CNGB1: variants seen among roughly 807,000 people sequenced by gnomAD.
The protein encoded by CNGB1 is cyclic nucleotide-gated channel beta-1.
Under a neutral mutation model 151.7 loss-of-function variants are expected in CNGB1, and 126 were observed. The observed-to-expected ratio is 0.83, with a 90% CI of 0.72 to 0.96. The LOEUF is 0.96. CNGB1 is among the 40% of genes least tolerant of loss of function. The probability of loss-of-function intolerance (pLI) is 0.00; values close to 1 mark genes in which losing one functional copy is unlikely to be tolerated. For missense variants in CNGB1, 1,698 were observed against 1,627.0 expected (o/e 1.04, Z -0.75); for synonymous variants, 623 against 635.1 (o/e 0.98, Z 0.29).
At chr16:57,931,229 G>C (rs954739071) in intron 17 of CNGB1, among the ~76,000 whole-genome samples, 3 of 151,590 alleles carry the variant, frequency 2.0e-5, no homozygotes, top group Non-Finnish European at 4.4e-5. Context: ...CACAATCTCA[G>C]TTCACTGCCA....
At chr16:57,917,645 C>T (rs929475843) in intron 20 of CNGB1, among the ~76,000 whole-genome samples, 169 bp from the exon 21 acceptor site, 3 of 149,964 alleles carry the variant, frequency 2.0e-5, no homozygotes, top group Non-Finnish European at 3.0e-5. Context: ...CACACACACA[C>T]ACACATACAC....
At chr16:57,940,902 C>A (rs1351855993) in intron 14 of CNGB1, among the ~76,000 whole-genome samples, 1 of 152,042 alleles carries the variant, frequency 6.6e-6, no homozygotes, top group Non-Finnish European at 1.5e-5. Flanking sequence ...CGGGCCCAAG[C>A]AGCAGGCATA....
intron 4 of CNGB1, chr16:57,963,843 A>T: frequency 2.0e-6 from 1 of 504,480 alleles, no homozygotes. Flanking sequence ...TTAACAGTCT[A>T]ATGAATGAAT....
At chr16:57,898,009 A>G (rs1960282544) in intron 29 of CNGB1, 95 bp from the exon 30 acceptor site, 1 of 1,289,312 alleles carries the variant, frequency 7.8e-7, no homozygotes, top group Admixed American at 1.7e-5. Context: ...TCCGGCAAGG[A>G]GGAACCTAGG....
chr16:57,882,406 G>A lies in CNGB1; in HGVS notation c.*1758C>T, dbSNP rs886492810. ...TCAATGTGATGATTACCCGGATCAC[G>A]TGACAAGCCATCAACTAGACAAATC... is the stretch of plus-strand genomic sequence containing the variant. On this transcript the variant is annotated 3_prime_UTR_variant, in exon 33 of 33. Coordinates refer to ENST00000251102, the MANE Select transcript of CNGB1 (RefSeq NM_001297.5). 1.3e-5 allele frequency: 2 copies of A among 151,744 alleles called. No individual in the cohort carries two copies. Among genetic ancestry groups the A allele is most frequent in the Non-Finnish European group, 2.9e-5 (2 of 67,996 alleles). 9.4% of individuals were successfully genotyped at this position (151,744 alleles called of 1,614,324 possible).
intron 31 of CNGB1, among the ~76,000 whole-genome samples, chr16:57,892,478 T>TG (rs1960119260): frequency 1.3e-5 from 2 of 152,094 alleles, no homozygotes; most frequent in South Asian, 2.1e-4. Context: ...AAGGTGAGTT[T>TG]GGGGGCAGCT....
rs773377435 is a variant in CNGB1, at chr16:57,904,865, A to G, written c.2503T>C (p.Cys835Arg). 4 of 1,614,188 alleles carry G rather than the reference A, an allele frequency of 2.5e-6. No individual in the cohort carries two copies. The highest frequency in any genetic ancestry group is 3.4e-6 in the Non-Finnish European group (4 of 1,180,028). ...YDGVGNSYIR[C>R]YYFAVKTLIT... is the part of the protein sequence containing the mutation. ...AGGGTCTTCACAGCAAAGTAGTAAC[A>G]GCGAATATAACTGGAGAGAGAGGAG... The change falls in exon 26 of 33, where the codon TGT becomes CGT. Residue 835 changes from cysteine to arginine, a missense_variant. Physicochemically the swap from Cys to Arg is radical, Grantham distance 180 (BLOSUM62 -3). Coordinates refer to ENST00000251102, the MANE Select transcript of CNGB1 (RefSeq NM_001297.5).
At position 57,883,887 on chromosome 16, in the gene CNGB1, G is replaced by T; in HGVS notation, c.*277C>A. ...AAAATCATTTTGTTCTTAAAAAGAG[G>T]AACAGTCAGGAAAAGGTAGGGCTCT... On this transcript the variant is annotated 3_prime_UTR_variant, in exon 33 of 33. Transcript: ENST00000251102. 1.8e-6 allele frequency: 1 copy of T among 567,602 alleles called. No homozygotes were observed. Among genetic ancestry groups the T allele is most frequent in the East Asian group, 3.0e-5 (1 of 33,210 alleles). The allele number at this position is 567,602 out of a possible 1,614,324, so 35.2% of individuals were successfully genotyped here. A position where few individuals can be genotyped will look rare whatever the true frequency, so the allele number is the denominator to read the frequency against.
intron 3 of CNGB1, 127 bp from the exon 4 acceptor site, chr16:57,964,329 A>C: frequency 4.4e-6 from 6 of 1,352,388 alleles, no homozygotes; most frequent in Non-Finnish European, 6.3e-6. Context: ...GCTCCAGCTC[A>C]GCTCAACTGA....
chr16:57,965,729 T>A (rs1302046813), intron 2 of CNGB1, among the ~76,000 whole-genome samples: 1 of 152,082 alleles, frequency 6.6e-6, no homozygotes, highest in Admixed American at 6.5e-5. Flanking sequence ...CAGAAATATG[T>A]AGACACATAC....
At position 57,917,160 on chromosome 16, in the gene CNGB1, T is replaced by C. The variant is rs1281633935; in HGVS notation, c.2166+108A>G. ...CACAGCAGCCGTTCTTGAGATTTCC[T>C]TATTCACTTATTTTGTCATCTATGA... is the stretch of plus-strand genomic sequence containing the variant. On this transcript the variant is annotated intron_variant, in intron 21 of 32. Coordinates refer to ENST00000251102, the MANE Select transcript of CNGB1 (RefSeq NM_001297.5). 3.3e-6 allele frequency: 3 copies of C among 916,952 alleles called. No homozygotes were observed. The South Asian group carries it at 4.2e-5, about 13-fold the overall frequency. The allele number at this position is 916,952 out of a possible 1,614,324, so 56.8% of individuals were successfully genotyped here. A position where few individuals can be genotyped will look rare whatever the true frequency, so the allele number is the denominator to read the frequency against.
intron 10 of CNGB1, among the ~76,000 whole-genome samples, chr16:57,958,948 T>C (rs1357522137): frequency 6.6e-6 from 1 of 151,250 alleles, no homozygotes; most frequent in Admixed American, 6.6e-5. Context: ...TTTTAATTTT[T>C]TGTAGAGATG....
chr16:57,914,462 T>C (rs533948470), intron 23 of CNGB1, among the ~76,000 whole-genome samples: 77 of 152,372 alleles, frequency 5.1e-4, no homozygotes, highest in Non-Finnish European at 8.7e-4. Flanking sequence ...TTCTCTGCCC[T>C]GTTTCTCTGG....
rs1429894006 is a variant in CNGB1, at chr16:57,901,451, A to G, written c.2893-16T>C. On this transcript the variant is annotated splice_polypyrimidine_tract_variant and intron_variant, in intron 28 of 32. Coordinates refer to ENST00000251102, the MANE Select transcript of CNGB1 (RefSeq NM_001297.5). ...GGTCACAGCCCTGTCCCGGTGAGGA[A>G]GGGAAAGGAACTTTTTAGAGAAGAT... The G allele has an allele frequency of 6.2e-7, 1 of 1,614,014 alleles. No homozygotes were observed. Among genetic ancestry groups the G allele is most frequent in the East Asian group, 2.2e-5 (1 of 44,892 alleles).
rs1210190177 is a variant in CNGB1 at position 57,883,616 on chromosome 16, G to A, written c.*548C>T. 1.2e-5 allele frequency: 2 copies of A among 169,870 alleles called. No individual in the cohort carries two copies. The highest frequency in any genetic ancestry group is 1.3e-5 in the Non-Finnish European group (1 of 79,878). The allele number at this position is 169,870 out of a possible 1,614,324, so 10.5% of individuals were successfully genotyped here. On this transcript the variant is annotated 3_prime_UTR_variant, in exon 33 of 33. Coordinates refer to ENST00000251102, the MANE Select transcript of CNGB1 (RefSeq NM_001297.5). ...TTGTTTTTGTTTGAGATGAGGTCTC[G>A]CTATGTTGCCCAGTCTGCTCTCCAA... is the stretch of plus-strand genomic sequence containing the variant.
At position 57,923,304 on chromosome 16, in the gene CNGB1, A is replaced by G; in HGVS notation, c.1612T>C (p.Trp538Arg). 1 of 1,607,618 alleles carries G rather than the reference A, an allele frequency of 6.2e-7. No homozygotes were observed. Among genetic ancestry groups the G allele is most frequent in the Non-Finnish European group, 8.5e-7 (1 of 1,177,126 alleles). The stretch of plus-strand genomic sequence containing the variant: ...TCCTTCGGGGTGGTGGGGTCAGACC[A>G]GGCAACCACTGGGGACTCTGCTGGT... ...LSPAESPVVAWSDPTTPKDTD... is the reference protein window; with the variant it reads ...LSPAESPVVARSDPTTPKDTD... The change falls in exon 18 of 33, where the codon TGG becomes CGG. Residue 538 changes from tryptophan to arginine, a missense_variant. By Grantham distance (101) the Trp-to-Arg change is moderately radical. Transcript: ENST00000251102.
At chr16:57,899,387 C>T (rs1221835490) in intron 29 of CNGB1, among the ~76,000 whole-genome samples, 1 of 152,136 alleles carries the variant, frequency 6.6e-6, no homozygotes, top group African/African-American at 2.4e-5. Context: ...TGCCTGTAAT[C>T]CCAGTACTTT....
intron 16 of CNGB1, among the ~76,000 whole-genome samples, chr16:57,935,067 C>T (rs1010596615): frequency 2.0e-5 from 3 of 148,818 alleles, no homozygotes; most frequent in Non-Finnish European, 4.5e-5. Flanking sequence ...AAAAAAGTTA[C>T]ACCCTCTTTT....
intron 31 of CNGB1, among the ~76,000 whole-genome samples, chr16:57,889,434 A>T (rs1960026586): frequency 1.3e-5 from 2 of 152,146 alleles, no homozygotes; most frequent in Non-Finnish European, 2.9e-5. Flanking sequence ...CAAGGAACTG[A>T]ATTACACCAA....
Sources: gnomAD v4.1 joint callset for allele counts (sites outside exome capture counted in the v4.1 genomes callset) on GRCh38, gnomAD v4.1.1 for gene constraint, MANE v1.5 for transcripts, NCBI Gene and HGNC (gene_info 2026-07-23, HGNC 2026-07-21) for gene names.